Variants in CNOT4 observed in about 807,000 individuals in gnomAD.
CNOT4 encodes the protein CCR4-associated factor 4.
A neutral mutation model predicts 73.8 loss-of-function variants in CNOT4; 8 were observed. That is an observed-to-expected ratio of 0.11 (90% confidence interval 0.06 to 0.20). CNOT4 has a LOEUF of 0.20. Among genes scored for constraint, CNOT4 ranks in the 10% least tolerant of loss-of-function variants. The pLI, the probability that CNOT4 is intolerant of heterozygous loss-of-function variation, is 1.00. For synonymous variants in CNOT4, 293 were observed against 321.1 expected (o/e 0.91, Z 0.94); for missense variants, 564 against 883.4 (o/e 0.64, Z 4.58).
At chr7:135,432,787 G>A (rs183782830) in intron 2 of CNOT4, among the ~76,000 whole-genome samples, 2 of 152,236 alleles carry the variant, frequency 1.3e-5, no homozygotes, top group Non-Finnish European at 2.9e-5. Flanking sequence ...TTAGTGTACC[G>A]TCACACTTAA....
chr7:135,380,071 T>G (rs997460425), intron 10 of CNOT4, among the ~76,000 whole-genome samples: 42 of 152,150 alleles, frequency 2.8e-4, no homozygotes, highest in African/African-American at 1.0e-3. Context: ...TTTAAATCCT[T>G]GTGGAGCTCT....
At chr7:135,472,865 C>A (rs891561454) in intron 1 of CNOT4, among the ~76,000 whole-genome samples, 1 of 151,784 alleles carries the variant, frequency 6.6e-6, no homozygotes, top group African/African-American at 2.4e-5. Context: ...CACAGGGAGA[C>A]CCTGTCTCTA....
chr7:135,384,291 T>C (rs10224577), intron 10 of CNOT4: 132,016 of 144,572 alleles, frequency 0.91, 60,207 homozygotes, highest in East Asian at 0.99. Flanking sequence ...CTCTCTCTCT[T>C]TTTTTTTTTT....
chr7:135,397,863 AG>A (rs1448198983), intron 8 of CNOT4, among the ~76,000 whole-genome samples: 1 of 152,150 alleles, frequency 6.6e-6, no homozygotes, highest in Non-Finnish European at 1.5e-5. Flanking sequence ...CTTAAAAGCA[AG>A]GAACTCAGAA....
intron 3 of CNOT4, among the ~76,000 whole-genome samples, chr7:135,420,694 AG>A (rs1420385991): frequency 2.0e-5 from 3 of 152,018 alleles, no homozygotes; most frequent in African/African-American, 7.2e-5. Context: ...GTTAGAAAAA[AG>A]GTAGCTCACA....
At chr7:135,494,533 A>G (rs1803333114) in intron 1 of CNOT4, among the ~76,000 whole-genome samples, 1 of 151,074 alleles carries the variant, frequency 6.6e-6, no homozygotes, top group Non-Finnish European at 1.5e-5. Flanking sequence ...CATCCATCCT[A>G]CTTCTATGGT....
chr7:135,503,340 G>A (rs1804125918), intron 1 of CNOT4, among the ~76,000 whole-genome samples: 3 of 151,870 alleles, frequency 2.0e-5, no homozygotes, highest in African/African-American at 7.3e-5. Context: ...TCCTGTGCCT[G>A]TAGTCAGAGC....
chr7:135,420,966 A>C (rs1798158423), intron 3 of CNOT4, among the ~76,000 whole-genome samples: 1 of 152,168 alleles, frequency 6.6e-6, no homozygotes, highest in Non-Finnish European at 1.5e-5. Flanking sequence ...TTTGGAAAGA[A>C]CTTGATGTCC....
intron 2 of CNOT4, among the ~76,000 whole-genome samples, chr7:135,424,056 C>G (rs902089939): frequency 0.03 from 2,637 of 86,728 alleles, 80 homozygotes; most frequent in African/African-American, 0.089. Context: ...CACACACACA[C>G]ACACACACAC....
intron 7 of CNOT4, among the ~76,000 whole-genome samples, chr7:135,401,035 A>T (rs1015532452): frequency 1.3e-5 from 2 of 152,222 alleles, no homozygotes; most frequent in African/African-American, 4.8e-5. Flanking sequence ...AATCCCTGAA[A>T]ATACATGGGT....
At chr7:135,458,177 C>A (rs1173799595) in intron 1 of CNOT4, among the ~76,000 whole-genome samples, 1 of 152,080 alleles carries the variant, frequency 6.6e-6, no homozygotes, top group Non-Finnish European at 1.5e-5. Flanking sequence ...AAGCAAGTCA[C>A]ACAAATTTTT....
Position 135,413,629 on chromosome 7 carries a change from G to C in CNOT4, c.562-16C>G, listed in dbSNP as rs1343139981. On this transcript the variant is annotated splice_polypyrimidine_tract_variant and intron_variant, in intron 5 of 11. Coordinates refer to ENST00000541284, the MANE Select transcript of CNOT4 (RefSeq NM_001190850.2). ...CTAGAGATGCCTGCAGGAGGAAGAG[G>C]GGTAAAGGAAAAGAAGACTCAATGT... The C allele has an allele frequency of 1.2e-6, 2 of 1,604,428 alleles. No individual in the cohort carries two copies. Among genetic ancestry groups the C allele is most frequent in the Non-Finnish European group, 8.5e-7 (1 of 1,175,052 alleles).
intron 1 of CNOT4, among the ~76,000 whole-genome samples, chr7:135,469,925 A>T (rs1435358136): frequency 6.6e-6 from 1 of 152,018 alleles, no homozygotes; most frequent in East Asian, 1.9e-4. Context: ...AGGTTTAAGC[A>T]ATTCTCCTGC....
intron 3 of CNOT4, among the ~76,000 whole-genome samples, chr7:135,420,740 G>C (rs1462251924): frequency 6.6e-6 from 1 of 151,854 alleles, no homozygotes; most frequent in Admixed American, 6.6e-5. Context: ...TTAAAAGATG[G>C]AGATAAAAGG....
chr7:135,483,117 T>C (rs1459907509), intron 1 of CNOT4, among the ~76,000 whole-genome samples: 11 of 151,590 alleles, frequency 7.3e-5, no homozygotes, highest in Non-Finnish European at 1.6e-4. Context: ...GGAGGACTGC[T>C]TGAGCCCTGG....
intron 10 of CNOT4, chr7:135,388,776 C>G (rs1796250416): frequency 6.2e-7 from 1 of 1,609,206 alleles, no homozygotes; most frequent in Admixed American, 1.7e-5. Flanking sequence ...GTCTAATCCT[C>G]TCCTCTCAGT....
intron 1 of CNOT4, among the ~76,000 whole-genome samples, chr7:135,468,032 G>A (rs1035479882): frequency 5.3e-5 from 8 of 151,718 alleles, no homozygotes; most frequent in Non-Finnish European, 1.0e-4. Context: ...TGGCTAACAC[G>A]GTGAAACCCC....
intron 1 of CNOT4, among the ~76,000 whole-genome samples, chr7:135,443,856 A>G (rs181441176): frequency 6.6e-6 from 1 of 152,282 alleles, no homozygotes; most frequent in East Asian, 1.9e-4. Context: ...TATGTGTAAG[A>G]ATACATGAGA....
chr7:135,363,817 T>C lies in CNOT4; in HGVS notation c.1840+37A>G, dbSNP rs1794769595. The C allele has an allele frequency of 6.6e-7, 1 of 1,505,480 alleles. No individual in the cohort carries two copies. The highest frequency in any genetic ancestry group is 1.9e-5 in the Admixed American group (1 of 53,202). The allele number at this position is 1,505,480 out of a possible 1,614,324, so 93.3% of individuals were successfully genotyped here. On this transcript the variant is annotated intron_variant, in intron 11 of 11. Transcript: ENST00000541284. This position sits in a 1 kb window ranked among gnomAD's most constrained non-coding sequence, Gnocchi z 4.3. ...TAATCTGTGCTAAAAACCAAACTGT[T>C]GGCAGTCAGTGTAGCTGAAGGGAGT...
Sources: allele counts gnomAD v4.1 joint callset (sites outside exome capture counted in the v4.1 genomes callset), GRCh38; gene constraint gnomAD v4.1.1; non-coding constraint Gnocchi (gnomAD v3.1); transcripts MANE v1.5; gene names NCBI Gene and HGNC (gene_info 2026-07-23, HGNC 2026-07-21).